PIDD1: variants seen among roughly 807,000 people sequenced by gnomAD.
The protein encoded by PIDD1 is p53-induced death domain-containing protein 1.
In PIDD1, 72 loss-of-function variants were observed where a neutral mutation model predicts 80.0. The observed-to-expected ratio is 0.90, with a 90% CI of 0.74 to 1.09. The LOEUF (loss-of-function observed/expected upper bound fraction) is 1.09. PIDD1 is among the 50% of genes least tolerant of loss of function. The pLI, the probability that PIDD1 is intolerant of heterozygous loss-of-function variation, is 0.00. For synonymous variants in PIDD1, 655 were observed against 543.5 expected (o/e 1.21, Z -2.85); for missense variants, 1,329 against 1,228.3 (o/e 1.08, Z -1.23).
chr11:802,651 C>A, intron 4 of PIDD1, 31 bp downstream of exon 4: 6 of 1,606,320 alleles, frequency 3.7e-6, no homozygotes, highest in Non-Finnish European at 4.3e-6. Context: ...ATGTCCTATC[C>A]CAGGTCTGCC....
intron 2 of PIDD1, 120 bp downstream of exon 2, chr11:803,974 G>T: frequency 9.0e-7 from 1 of 1,108,166 alleles, no homozygotes; most frequent in Non-Finnish European, 1.3e-6. Flanking sequence ...GTTCACACCT[G>T]GGGAGCCGGG....
intron 1 of PIDD1, 118 bp from the exon 2 acceptor site, chr11:804,581 G>T (rs1865649365): frequency 9.6e-7 from 1 of 1,041,616 alleles, no homozygotes; most frequent in Non-Finnish European, 1.3e-6. Context: ...CTGGGCTGCA[G>T]AGTGGGGGAG....
chr11:799,572 G>GCAGAGGATGGGCGA lies in PIDD1; in HGVS notation c.2475-21_2475-8dup. ...CTGCTCATCCAGATCATCCCTGCAGGCAGAGGATGGGCGACAGAGGGGTCC... is the reference window on the plus strand; with the variant it reads ...CTGCTCATCCAGATCATCCCTGCAGGCAGAGGATGGGCGACAGAGGATGGGCGACAGAGGGGTCC... On this transcript the variant is annotated splice_region_variant and splice_polypyrimidine_tract_variant and intron_variant, in intron 15 of 15. Coordinates refer to ENST00000347755, the MANE Select transcript of PIDD1 (RefSeq NM_145886.4). 6.3e-7 allele frequency: 1 copy of GCAGAGGATGGGCGA among 1,589,194 alleles called. No homozygotes were observed. Among genetic ancestry groups the GCAGAGGATGGGCGA allele is most frequent in the Non-Finnish European group, 8.5e-7 (1 of 1,171,730 alleles).
At chr11:805,731 C>T (rs1350716302), upstream of PIDD1, 2 of 965,528 alleles carry the variant, frequency 2.1e-6, no homozygotes, top group East Asian at 2.3e-4. Context: ...CCTTTCGAGC[C>T]ATCACTCTGG....
Position 803,484 on chromosome 11 carries a change from G to C in PIDD1, c.399C>G (p.Ser133Arg). ...GLAHLAHLDL[S>R]FNSLETLPAC... ...CCGGCAGTGTCTCCAGGCTGTTGAA[G>C]CTCAGGTCCAGGTGGGCCAGATGGG... Residue 133 changes from serine (S) to arginine (R), a missense_variant, in exon 3 of 16, where the codon AGC becomes AGG. Ser to Arg is a moderately radical substitution (Grantham distance 110, BLOSUM62 -1). Transcript: ENST00000347755. 1 of 1,613,736 alleles carries C rather than the reference G, an allele frequency of 6.2e-7. No homozygotes were observed. The highest frequency in any genetic ancestry group is 8.5e-7 in the Non-Finnish European group (1 of 1,180,020).
intron 6 of PIDD1, 47 bp downstream of exon 6, chr11:802,146 CCT>C (rs1865401668): frequency 3.8e-6 from 6 of 1,562,228 alleles, no homozygotes; most frequent in Non-Finnish European, 5.2e-6. Context: ...GCACACTGCC[CCT>C]GCCATGCCCT....
chr11:803,800 A>G, intron 2 of PIDD1: 1 of 640,398 alleles, frequency 1.6e-6, no homozygotes, highest in Non-Finnish European at 2.7e-6. Context: ...TCAGCTGACA[A>G]CCATCACCCA....
In PIDD1 at chr11:802,245, G is replaced by A; in HGVS notation, c.1126C>T (p.Leu376=). ...TGCAGCTCCAGCACATGGCTGAGCA[G>A]GGCGTCATGAGGACCCAGGGGGACG... ...GLVPLGPHDA[L]LSHVLELQPH... The change falls in exon 6 of 16, where the codon CTG becomes TTG. Residue 376 remains leucine, a synonymous_variant. Transcript: ENST00000347755. The A allele has an allele frequency of 6.2e-7, 1 of 1,611,854 alleles. No individual in the cohort carries two copies. Among genetic ancestry groups the A allele is most frequent in the Non-Finnish European group, 8.5e-7 (1 of 1,179,504 alleles).
At position 799,448 on chromosome 11, in the gene PIDD1, G is replaced by A. The variant is rs779894998; in HGVS notation, c.2592C>T (p.Asp864=). Reference sequence around the variant, plus strand: ...AGACTGCGCGCACCTCTTCAGCCACGTCCTGCCGGTCACTCTGCTCCAGGG... The same window carrying A: ...AGACTGCGCGCACCTCTTCAGCCACATCCTGCCGGTCACTCTGCTCCAGGG... ...VQALEQSDRQ[D]VAEEVRAVLE... The change falls in exon 16 of 16, where the codon GAC becomes GAT. Residue 864 remains aspartate (D), a synonymous_variant. Transcript: ENST00000347755. 13 of 1,610,368 alleles carry A rather than the reference G, an allele frequency of 8.1e-6. 1 individual carries two copies. Among genetic ancestry groups the A allele is most frequent in the African/African-American group, 2.7e-5 (2 of 74,928 alleles).
chr11:800,682 T>G lies in PIDD1; in HGVS notation c.1918-16A>C. ...TGGCGTCCACCTGCGGGGAAGCCCGTGCAGCTCAGGACCCAAAGCTCTGCA... is the reference window on the plus strand; with the variant it reads ...TGGCGTCCACCTGCGGGGAAGCCCGGGCAGCTCAGGACCCAAAGCTCTGCA... On this transcript the variant is annotated splice_polypyrimidine_tract_variant and intron_variant, in intron 11 of 15. Transcript: ENST00000347755. 6.4e-7 allele frequency: 1 copy of G among 1,571,054 alleles called. No homozygotes were observed. The highest frequency in any genetic ancestry group is 8.6e-7 in the Non-Finnish European group (1 of 1,164,950).
intron 2 of PIDD1, chr11:803,863 GGCA>G (rs1694180240): frequency 4.8e-6 from 3 of 629,770 alleles, no homozygotes; most frequent in Non-Finnish European, 8.2e-6. Flanking sequence ...ACCCCCACTG[GGCA>G]GCGTCAGGGT....
chr11:807,515 C>A, upstream of PIDD1, among the ~76,000 whole-genome samples: 1 of 151,696 alleles, frequency 6.6e-6, no homozygotes. Context: ...TGGTGGCTCA[C>A]GCCTCTAATC....
chr11:801,780 C>T (rs1400985295), intron 7 of PIDD1, 156 bp from the exon 8 acceptor site: 2 of 899,612 alleles, frequency 2.2e-6, no homozygotes, highest in African/African-American at 1.9e-5. Context: ...TGGAAGTTGC[C>T]AGGGACACAG....
At position 802,222 on chromosome 11, in the gene PIDD1, C is replaced by G; in HGVS notation, c.1149G>C (p.Leu383=). 3 of 1,610,218 alleles carry G rather than the reference C, an allele frequency of 1.9e-6. No homozygotes were observed. Among genetic ancestry groups the G allele is most frequent in the Non-Finnish European group, 2.5e-6 (3 of 1,178,860 alleles). ...HDALLSHVLE[L]QPHGVAFQQD... ...GCTGGAAGGCCACCCCATGGGGCTG[C>G]AGCTCCAGCACATGGCTGAGCAGGG... Residue 383 remains leucine (L), a synonymous_variant, in exon 6 of 16, where the codon CTG becomes CTC. Coordinates refer to ENST00000347755, the MANE Select transcript of PIDD1 (RefSeq NM_145886.4).
At position 800,220 on chromosome 11, in the gene PIDD1, G is replaced by A. The variant is rs145874216; in HGVS notation, c.2185C>T (p.Pro729Ser). ...GQVSFYRGAV[P>S]VRVPEEAEAA... ...TCAGCCTCCTCGGGCACCCGCACAG[G>A]CACCGCGCCACGGTAGAAGGACACC... Residue 729 changes from proline to serine, a missense_variant, in exon 14 of 16, where the codon CCT (proline) becomes TCT (serine). Coordinates refer to ENST00000347755, the MANE Select transcript of PIDD1 (RefSeq NM_145886.4). 8.0e-5 allele frequency: 128 copies of A among 1,609,938 alleles called. No individual in the cohort carries two copies. The highest frequency in any genetic ancestry group is 9.4e-5 in the Non-Finnish European group (111 of 1,178,742).
upstream of PIDD1, among the ~76,000 whole-genome samples, chr11:806,926 T>C (rs976936745): frequency 6.6e-6 from 1 of 152,206 alleles, no homozygotes; most frequent in African/African-American, 2.4e-5. Flanking sequence ...ATGCTGTGGC[T>C]TACGCCAGTA....
At position 800,378 on chromosome 11, in the gene PIDD1, G is replaced by A. The variant is rs767807556; in HGVS notation, c.2115C>T (p.Tyr705=). 1.1e-5 allele frequency: 18 copies of A among 1,612,804 alleles called. No individual in the cohort carries two copies. The East Asian group carries it at 2.5e-4, about 22-fold the overall frequency. Reference sequence around the variant, plus strand: ...CCTCCCGGTCCAGAGTGGTGGTCACGTATACCTCCTTCACATTCTTCAGGT... The same window carrying A: ...CCTCCCGGTCCAGAGTGGTGGTCACATATACCTCCTTCACATTCTTCAGGT... ...YSHLKNVKEV[Y]VTTTLDREAQ... is the part of the protein sequence containing the mutation. The change falls in exon 13 of 16, where the codon TAC becomes TAT. Residue 705 remains tyrosine (Y), a synonymous_variant. Transcript: ENST00000347755.
chr11:802,122 C>T, intron 6 of PIDD1, 32 bp from the exon 7 acceptor site: 1 of 1,564,144 alleles, frequency 6.4e-7, no homozygotes, highest in Non-Finnish European at 8.7e-7. Context: ...AGCACTGGAG[C>T]CATGCCCGGG....
At position 805,229 on chromosome 11, in the gene PIDD1, C is replaced by G; in HGVS notation, c.-126G>C. The G allele has an allele frequency of 1.0e-6, 1 of 983,248 alleles. No homozygotes were observed. Among genetic ancestry groups the G allele is most frequent in the Non-Finnish European group, 1.2e-6 (1 of 827,980 alleles). 60.9% of individuals were successfully genotyped at this position (983,248 alleles called of 1,614,324 possible). On this transcript the variant is annotated 5_prime_UTR_variant, in exon 1 of 16. Coordinates refer to ENST00000347755, the MANE Select transcript of PIDD1 (RefSeq NM_145886.4). ...GTGGCTGCTCAGCGGGCGCTCGGCG[C>G]CTGGGATCCCGCCGGCGCGTTTCTG...
Sources: allele counts gnomAD v4.1 joint callset (sites outside exome capture counted in the v4.1 genomes callset), GRCh38; gene constraint gnomAD v4.1.1; transcripts MANE v1.5; gene names NCBI Gene and HGNC (gene_info 2026-07-23, HGNC 2026-07-21).